Variants in MCC observed in about 807,000 individuals in gnomAD.
MCC encodes colorectal mutant cancer protein.
In MCC, 90 loss-of-function variants were observed where a neutral mutation model predicts 116.2. The ratio of observed to expected loss-of-function variants is 0.77; its 90% confidence interval spans 0.65 to 0.92. MCC has a LOEUF of 0.92. Ranked by LOEUF, MCC falls within the 40% of genes least tolerant of loss-of-function variation. The pLI is 0.00. For missense variants in MCC, 1,516 were observed against 1,312.2 expected, an observed-to-expected ratio of 1.16 and a Z score of -2.40; for synonymous variants, 578 against 510.5, an observed-to-expected ratio of 1.13 and a Z score of -1.78.
At chr5:113,091,019 C>G (rs1436997502) in intron 8 of MCC, among the ~76,000 whole-genome samples, 3 of 152,192 alleles carry the variant, frequency 2.0e-5, no homozygotes, top group African/African-American at 7.2e-5. Context: ...TGGAGGGCGC[C>G]TGCTAGTCTA....
At chr5:113,284,887 G>C (rs1210877253) in intron 3 of MCC, among the ~76,000 whole-genome samples, 4 of 152,160 alleles carry the variant, frequency 2.6e-5, no homozygotes, top group Non-Finnish European at 2.9e-5. Flanking sequence ...CTAAATAGTT[G>C]AAGGAAATGG....
At chr5:113,136,253 G>C (rs1166944747) in intron 5 of MCC, among the ~76,000 whole-genome samples, 2 of 152,142 alleles carry the variant, frequency 1.3e-5, no homozygotes, top group Non-Finnish European at 2.9e-5. Flanking sequence ...CAGCTGGTTA[G>C]AATTCTTTAT....
intron 3 of MCC, among the ~76,000 whole-genome samples, chr5:113,305,322 T>A (rs1766962544): frequency 6.6e-6 from 1 of 152,166 alleles, no homozygotes; most frequent in East Asian, 1.9e-4. Flanking sequence ...AGCAAATCCT[T>A]TCAAATTGGC....
chr5:113,241,169 G>T (rs1202675726), intron 3 of MCC, among the ~76,000 whole-genome samples: 1 of 152,246 alleles, frequency 6.6e-6, no homozygotes, highest in African/African-American at 2.4e-5. Context: ...CTAACTTGCA[G>T]TCTTTTCTTA....
chr5:113,416,788 T>C (rs1770163265), intron 1 of MCC, among the ~76,000 whole-genome samples: 1 of 152,154 alleles, frequency 6.6e-6, no homozygotes, highest in Non-Finnish European at 1.5e-5. Flanking sequence ...TCTTCAATAA[T>C]AAACAGATAA....
At chr5:113,184,644 C>T (rs934692236) in intron 3 of MCC, among the ~76,000 whole-genome samples, 2 of 151,866 alleles carry the variant, frequency 1.3e-5, no homozygotes, top group African/African-American at 4.8e-5. Context: ...AGTTTGGTTT[C>T]TATAACCCTA....
chr5:113,076,141 A>G (rs4705773), intron 11 of MCC, among the ~76,000 whole-genome samples: 6 of 152,138 alleles, frequency 3.9e-5, no homozygotes, highest in African/African-American at 1.4e-4. Flanking sequence ...ACCCACCAAT[A>G]CTGGACACAG....
At chr5:113,336,117 GGAGA>G (rs891247159) in intron 3 of MCC, among the ~76,000 whole-genome samples, 2 of 151,020 alleles carry the variant, frequency 1.3e-5, no homozygotes, top group African/African-American at 2.5e-5. Flanking sequence ...ACAGGGAGTG[GGAGA>G]GAGAGAGAGG....
At chr5:113,396,161 C>G (rs1769520473) in intron 1 of MCC, among the ~76,000 whole-genome samples, 1 of 152,012 alleles carries the variant, frequency 6.6e-6, no homozygotes, top group African/African-American at 2.4e-5. Context: ...GACCCCATCT[C>G]CACAAAAAAT....
chr5:113,146,281 A>G (rs1759513478), intron 4 of MCC, among the ~76,000 whole-genome samples: 1 of 496 alleles, frequency 2.0e-3, no homozygotes, highest in Non-Finnish European at 0.019. Context: ...AGAATCCCAG[A>G]CTTCTCTTCT....
At chr5:113,392,514 T>TA (rs543127777) in intron 1 of MCC, among the ~76,000 whole-genome samples, 13,379 of 141,630 alleles carry the variant, frequency 0.094, 884 homozygotes, top group African/African-American at 0.19. Context: ...TGGCAACATC[T>TA]AAAAAAAAAA....
At chr5:113,151,902 T>C (rs1195857160) in intron 3 of MCC, among the ~76,000 whole-genome samples, 1 of 142,990 alleles carries the variant, frequency 7.0e-6, no homozygotes, top group African/African-American at 2.6e-5. Context: ...GCACTGAGCA[T>C]TAAGGGGAAA....
chr5:113,151,951 C>T (rs1481556982), intron 3 of MCC, among the ~76,000 whole-genome samples: 2 of 152,170 alleles, frequency 1.3e-5, no homozygotes, highest in African/African-American at 4.8e-5. Context: ...TCTCCTTGTA[C>T]AGTTGACCCA....
intron 3 of MCC, among the ~76,000 whole-genome samples, chr5:113,238,991 G>A (rs752595716): frequency 5.9e-5 from 9 of 152,088 alleles, no homozygotes; most frequent in Admixed American, 2.0e-4. Flanking sequence ...ACAATTCATC[G>A]AAATGTGAAG....
chr5:113,447,683 T>A (rs1771261870), intron 1 of MCC, among the ~76,000 whole-genome samples: 1 of 152,148 alleles, frequency 6.6e-6, no homozygotes, highest in Non-Finnish European at 1.5e-5. Flanking sequence ...GAGATACTAT[T>A]AAATTGGCTA....
intron 8 of MCC, among the ~76,000 whole-genome samples, chr5:113,091,077 G>C (rs564287389): frequency 2.6e-5 from 4 of 152,168 alleles, no homozygotes; most frequent in Admixed American, 1.3e-4. Flanking sequence ...CTCTCTGCTC[G>C]ACCCATAGGT....
chr5:113,085,203 C>T lies in MCC; in HGVS notation c.1506G>A (p.Leu502=). The change falls in exon 9 of 19, where the codon CTG becomes CTA. Residue 502 remains leucine (L), a synonymous_variant. Transcript: ENST00000408903. The part of the protein sequence containing the change: ...NRPINPSTGE[L]STSSSSNDIP... Reference sequence around the variant, plus strand: ...TGTCATTGCTGCTGCTGCTTGTGCTCAGCTCCCCAGTGCTGGGGTTAATCG... The same window carrying T: ...TGTCATTGCTGCTGCTGCTTGTGCTTAGCTCCCCAGTGCTGGGGTTAATCG... 6.2e-7 allele frequency: 1 copy of T among 1,614,214 alleles called. No individual in the cohort carries two copies. The highest frequency in any genetic ancestry group is 8.5e-7 in the Non-Finnish European group (1 of 1,180,044).
rs566427453 is a variant in MCC at position 113,118,127 on chromosome 5, C to T, written c.1027+4557G>A. ...CCTGATTTTACAGATGAAGAGACCTCCAGGGCATCCTTCCAGGTTGGGGAT... is the reference window on the plus strand; with the variant it reads ...CCTGATTTTACAGATGAAGAGACCTTCAGGGCATCCTTCCAGGTTGGGGAT... On this transcript the variant is annotated intron_variant, in intron 6 of 18. Transcript: ENST00000408903. Among the ~76,000 whole-genome samples the T allele has an allele frequency of 6.6e-5, 10 of 152,296 alleles. No individual in the cohort carries two copies. The South Asian group carries it at 1.0e-3, about 16-fold the overall frequency.
intron 3 of MCC, among the ~76,000 whole-genome samples, chr5:113,254,235 G>A (rs1464590769): frequency 6.6e-6 from 1 of 152,202 alleles, no homozygotes; most frequent in Non-Finnish European, 1.5e-5. Context: ...AATTAAGCAT[G>A]AGGACGGATA....
Sources: allele counts gnomAD v4.1 joint callset (sites outside exome capture counted in the v4.1 genomes callset), GRCh38; gene constraint gnomAD v4.1.1; transcripts MANE v1.5; gene names NCBI Gene and HGNC (gene_info 2026-07-23, HGNC 2026-07-21).